The following ACCSL variants were observed in gnomAD, a reference collection of about 807,000 sequenced individuals.
The protein encoded by ACCSL is probable inactive 1-aminocyclopropane-1-carboxylate synthase-like protein 2.
In ACCSL, 55 loss-of-function variants were observed where a neutral mutation model predicts 61.7. The ratio of observed to expected loss-of-function variants is 0.89; its 90% CI spans 0.72 to 1.12. The LOEUF is 1.12. ACCSL is among the 50% of genes most tolerant of loss of function. The probability of loss-of-function intolerance (pLI) is 0.00; values close to 1 mark genes in which losing one functional copy is unlikely to be tolerated. For missense variants in ACCSL, 632 were observed against 698.0 expected, an observed-to-expected ratio of 0.91 and a Z score of 1.07; for synonymous variants, 258 against 264.3, an observed-to-expected ratio of 0.98 and a Z score of 0.23.
chr11:43,989,461 C>G, the ACCSL span, among the ~76,000 whole-genome samples: 1 of 152,232 alleles, frequency 6.6e-6, no homozygotes, highest in Non-Finnish European at 1.5e-5. Flanking sequence ...TTTGAGAAGC[C>G]TCCTGTTTCC....
chr11:44,029,011 G>A, the ACCSL span, among the ~76,000 whole-genome samples: 41 of 152,282 alleles, frequency 2.7e-4, no homozygotes, highest in African/African-American at 9.4e-4. Flanking sequence ...TCTCACTCCC[G>A]GGCAGTGATC....
intron 5 of ACCSL, among the ~76,000 whole-genome samples, chr11:44,052,367 CT>C (rs1952644800): frequency 6.6e-6 from 1 of 152,244 alleles, no homozygotes; most frequent in Non-Finnish European, 1.5e-5. Context: ...ATTGCTCCAT[CT>C]GCTAGTGAGC....
chr11:44,015,436 G>A, the ACCSL span, among the ~76,000 whole-genome samples: 1 of 152,124 alleles, frequency 6.6e-6, no homozygotes, highest in Non-Finnish European at 1.5e-5. Flanking sequence ...TGGGAGACAG[G>A]GCCGTCTACC....
the ACCSL span, among the ~76,000 whole-genome samples, chr11:43,941,516 G>A: frequency 6.6e-6 from 1 of 152,212 alleles, no homozygotes; most frequent in Non-Finnish European, 1.5e-5. Flanking sequence ...CACATCTCAA[G>A]CCCACTTGGC....
At chr11:43,960,467 C>A in the ACCSL span, among the ~76,000 whole-genome samples, 2 of 152,106 alleles carry the variant, frequency 1.3e-5, no homozygotes, top group African/African-American at 4.8e-5. Context: ...CAGCTCACTG[C>A]AACCTCTGCC....
In ACCSL at chr11:44,058,791, T is replaced by A. The variant is rs902411237; in HGVS notation, c.1624+92T>A. The A allele has an allele frequency of 7.0e-6, 10 of 1,425,284 alleles. No homozygotes were observed. The African/African-American group carries it at 1.3e-4, about 18-fold the overall frequency. 88.3% of individuals were successfully genotyped at this position (1,425,284 alleles called of 1,614,324 possible). On this transcript the variant is annotated intron_variant, in intron 13 of 13. Coordinates refer to ENST00000378832, the MANE Select transcript of ACCSL (RefSeq NM_001031854.2). ...CCACCCCCCTTAAACATCCTATAGA[T>A]CTAGCCCTTTATTCCCTGTTTCCAT...
At chr11:44,045,161 T>G (rs892416061), upstream of ACCSL, among the ~76,000 whole-genome samples, 1 of 152,150 alleles carries the variant, frequency 6.6e-6, no homozygotes, top group African/African-American at 2.4e-5. Flanking sequence ...TTTGGGACCA[T>G]GCATGGTGGC....
chr11:43,960,616 C>A, the ACCSL span, among the ~76,000 whole-genome samples: 40 of 152,080 alleles, frequency 2.6e-4, no homozygotes, highest in African/African-American at 8.9e-4. Flanking sequence ...AACTCCTGAC[C>A]TCAAGTGATC....
At chr11:43,950,805 C>T in the ACCSL span, among the ~76,000 whole-genome samples, 1 of 152,210 alleles carries the variant, frequency 6.6e-6, no homozygotes, top group Non-Finnish European at 1.5e-5. Flanking sequence ...TGGACTATCA[C>T]AGCTGAGGGT....
At chr11:44,013,500 C>G in the ACCSL span, among the ~76,000 whole-genome samples, 2 of 152,146 alleles carry the variant, frequency 1.3e-5, no homozygotes, top group Non-Finnish European at 2.9e-5. Context: ...GCCATGTTGG[C>G]CAGGCTGGTC....
intron 3 of ACCSL, among the ~76,000 whole-genome samples, 182 bp downstream of exon 3, chr11:44,050,804 T>G (rs1321825184): frequency 1.3e-5 from 2 of 151,920 alleles, no homozygotes; most frequent in East Asian, 3.9e-4. Flanking sequence ...GAATAGTTAT[T>G]CTGGTATAGT....
chr11:43,990,829 G>T, the ACCSL span, among the ~76,000 whole-genome samples: 2 of 152,130 alleles, frequency 1.3e-5, no homozygotes, highest in Non-Finnish European at 2.9e-5. Flanking sequence ...ACAGCACTTT[G>T]GGAGGCCGAG....
At chr11:43,979,846 C>CAAAAAAAAAAAAAAAAAAA in the ACCSL span, among the ~76,000 whole-genome samples, 1 of 50,850 alleles carries the variant, frequency 2.0e-5, no homozygotes, top group Non-Finnish European at 4.4e-5. Flanking sequence ...GACTCTGTCT[C>CAAAAAAAAAAAAAAAAAAA]AAAAAAAAAA....
chr11:44,059,835 T>C lies in ACCSL; in HGVS notation c.1625-3T>C. On this transcript the variant is annotated splice_polypyrimidine_tract_variant and splice_region_variant and intron_variant, in intron 13 of 13. Transcript: ENST00000378832. Reference sequence around the variant, plus strand: ...TCTCTCTGTCCCCATTTGAACCCTCTAGCTATGCGTCGGTTCTGTGATGTG... The same window carrying C: ...TCTCTCTGTCCCCATTTGAACCCTCCAGCTATGCGTCGGTTCTGTGATGTG... The C allele has an allele frequency of 6.2e-7, 1 of 1,613,044 alleles. No individual in the cohort carries two copies. Among genetic ancestry groups the C allele is most frequent in the Non-Finnish European group, 8.5e-7 (1 of 1,179,286 alleles).
At chr11:44,005,215 C>T in the ACCSL span, among the ~76,000 whole-genome samples, 1 of 152,162 alleles carries the variant, frequency 6.6e-6, no homozygotes, top group East Asian at 1.9e-4. Context: ...TTCCCTGCCC[C>T]CAGCCCCCTG....
the ACCSL span, among the ~76,000 whole-genome samples, chr11:43,991,686 C>T: frequency 1.4e-4 from 21 of 151,908 alleles, no homozygotes; most frequent in Admixed American, 1.4e-3. Flanking sequence ...CCCAGCTACT[C>T]GGGAGGCTGA....
At chr11:44,027,294 C>A in the ACCSL span, among the ~76,000 whole-genome samples, 1 of 152,152 alleles carries the variant, frequency 6.6e-6, no homozygotes, top group Non-Finnish European at 1.5e-5. Context: ...CTTCTTAGAT[C>A]TTTCATGGGT....
the ACCSL span, among the ~76,000 whole-genome samples, chr11:43,978,003 C>CTTTT: frequency 7.9e-4 from 77 of 97,652 alleles, 1 homozygote; most frequent in African/African-American, 2.1e-3. Flanking sequence ...CTAGGAAGCT[C>CTTTT]TTTTTTTTTT....
the ACCSL span, among the ~76,000 whole-genome samples, chr11:43,935,162 C>G: frequency 6.6e-6 from 1 of 152,218 alleles, no homozygotes; most frequent in Non-Finnish European, 1.5e-5. Context: ...CCCGGCGAAT[C>G]AGAGTCTGGC....
Sources: allele counts gnomAD v4.1 joint callset (sites outside exome capture counted in the v4.1 genomes callset), GRCh38; gene constraint gnomAD v4.1.1; transcripts MANE v1.5; gene names NCBI Gene and HGNC (gene_info 2026-07-23, HGNC 2026-07-21).